Variants in ME1 observed in about 807,000 individuals in gnomAD.
The protein encoded by ME1 is malic enzyme 1.
Under a neutral mutation model 66.4 loss-of-function variants are expected in ME1, and 74 were observed. The observed-to-expected ratio is 1.11, with a 90% CI of 0.92 to 1.35. The LOEUF (loss-of-function observed/expected upper bound fraction) is 1.35, where lower values mean the gene tolerates loss of function less well. ME1 is among the 40% of genes most tolerant of loss of function. The probability of loss-of-function intolerance (pLI) is 0.00; values close to 1 mark genes in which losing one functional copy is unlikely to be tolerated. For synonymous variants in ME1, 251 were observed against 235.6 expected (o/e 1.07, Z -0.60); for missense variants, 750 against 694.1 (o/e 1.08, Z -0.90).
chr6:83,341,332 G>A (rs1470714891), intron 5 of ME1, among the ~76,000 whole-genome samples: 8 of 152,048 alleles, frequency 5.3e-5, no homozygotes, highest in Admixed American at 4.6e-4. Flanking sequence ...TGTATCTTTA[G>A]CCCATAATAC....
Position 83,210,714 on chromosome 6 carries a change from C to A in ME1, c.*1210G>T, listed in dbSNP as rs1035881514. The A allele has an allele frequency of 6.6e-6, 1 of 152,156 alleles. No individual in the cohort carries two copies. The highest frequency in any genetic ancestry group is 1.5e-5 in the Non-Finnish European group (1 of 68,024). 9.4% of individuals were successfully genotyped at this position (152,156 alleles called of 1,614,324 possible). On this transcript the variant is annotated 3_prime_UTR_variant, in exon 14 of 14. Transcript: ENST00000369705. ...AAAGCATTACTTCAAAAACAAAATT[C>A]TTCAAATAATTCTATAAATAAGTAG...
At chr6:83,313,856 T>C (rs2128538959) in intron 6 of ME1, among the ~76,000 whole-genome samples, 1 of 152,302 alleles carries the variant, frequency 6.6e-6, no homozygotes. Flanking sequence ...TAAAATGTAG[T>C]CCATACTAAT....
At position 83,331,407 on chromosome 6, in the gene ME1, G is replaced by A. The variant is rs894123484; in HGVS notation, c.600+14766C>T. On this transcript the variant is annotated intron_variant, in intron 5 of 13. Transcript: ENST00000369705. ...GTTTAAGACCAGCCTGGCCAAGATG[G>A]TGAAACCCATCTCTACTAAATATAC... is the stretch of plus-strand genomic sequence containing the variant. 2.0e-5 allele frequency among the ~76,000 whole-genome samples: 3 copies of A among 151,980 alleles called. No homozygotes were observed. In the East Asian group the frequency reaches 5.8e-4, roughly 29 times the overall value.
At chr6:83,382,005 T>A (rs1375635387) in intron 3 of ME1, among the ~76,000 whole-genome samples, 2 of 151,674 alleles carry the variant, frequency 1.3e-5, no homozygotes, top group African/African-American at 4.8e-5. Flanking sequence ...GAACAAGCTA[T>A]CCCCTCAGGC....
intron 6 of ME1, among the ~76,000 whole-genome samples, chr6:83,314,057 A>G (rs528941255): frequency 2.0e-5 from 3 of 152,330 alleles, no homozygotes; most frequent in Non-Finnish European, 4.4e-5. Context: ...TCTAAGAAAA[A>G]CCAAGGCAAC....
chr6:83,331,683 G>T (rs1768414092), intron 5 of ME1, among the ~76,000 whole-genome samples: 2 of 151,560 alleles, frequency 1.3e-5, no homozygotes, highest in Non-Finnish European at 2.9e-5. Flanking sequence ...TACAAGTCAA[G>T]GACACAAACC....
chr6:83,396,093 G>A (rs2128550432), intron 3 of ME1, among the ~76,000 whole-genome samples: 1 of 152,236 alleles, frequency 6.6e-6, no homozygotes, highest in African/African-American at 2.4e-5. Context: ...GGGTGTGGTG[G>A]CTCATGCCTG....
chr6:83,378,418 CCA>C (rs1769334580), intron 3 of ME1, among the ~76,000 whole-genome samples: 1 of 151,944 alleles, frequency 6.6e-6, no homozygotes, highest in African/African-American at 2.4e-5. Flanking sequence ...TTGTTTCTAA[CCA>C]CAGTTTCAAT....
chr6:83,360,086 G>T (rs1253452872), intron 3 of ME1, among the ~76,000 whole-genome samples: 6 of 152,174 alleles, frequency 3.9e-5, no homozygotes, highest in Non-Finnish European at 8.8e-5. Flanking sequence ...TGGACAAAAG[G>T]CTAATTTGAA....
At chr6:83,223,448 C>T (rs961892417) in intron 12 of ME1, among the ~76,000 whole-genome samples, 4 of 152,244 alleles carry the variant, frequency 2.6e-5, no homozygotes, top group African/African-American at 9.6e-5. Context: ...AGCCACCACA[C>T]CCAGCCCTGG....
At chr6:83,406,049 AT>A (rs1234035103) in intron 2 of ME1, among the ~76,000 whole-genome samples, 2 of 152,236 alleles carry the variant, frequency 1.3e-5, no homozygotes, top group East Asian at 3.9e-4. Context: ...GCGATGTTTA[AT>A]TTTGTCAAAG....
chr6:83,313,061 G>T (rs944816217), intron 6 of ME1, among the ~76,000 whole-genome samples: 1 of 151,978 alleles, frequency 6.6e-6, no homozygotes, highest in Admixed American at 6.6e-5. Context: ...CTGGCCCAAG[G>T]GTACTCCTTA....
intron 5 of ME1, among the ~76,000 whole-genome samples, chr6:83,339,826 C>T (rs1439739041): frequency 9.8e-6 from 1 of 102,420 alleles, no homozygotes; most frequent in East Asian, 3.0e-4. Context: ...GTGGTGGGGT[C>T]GGGGGAGGGG....
rs1304961380 is a variant in ME1 at position 83,430,886 on chromosome 6, G to A, written c.69C>T (p.His23=). 2 of 1,602,638 alleles carry A rather than the reference G, an allele frequency of 1.2e-6. No individual in the cohort carries two copies. Among genetic ancestry groups the A allele is most frequent in the South Asian group, 1.1e-5 (1 of 89,596 alleles). The change falls in exon 1 of 14, where the codon CAC becomes CAT. Residue 23 remains histidine, a synonymous_variant. Transcript: ENST00000369705. ...QRGYLLTRNP[H]LNKDLAFTLE... ...GGGCCTGCGGGTTTACCTTGTTGAG[G>A]TGAGGGTTCCGTGTCAGCAGGTAGC...
chr6:83,360,417 G>T (rs1374417910), intron 3 of ME1, among the ~76,000 whole-genome samples: 1 of 152,122 alleles, frequency 6.6e-6, no homozygotes, highest in Non-Finnish European at 1.5e-5. Context: ...GCTTATGGAG[G>T]TCAGGTAATT....
chr6:83,340,305 A>G (rs1266827336), intron 5 of ME1, among the ~76,000 whole-genome samples: 1 of 152,234 alleles, frequency 6.6e-6, no homozygotes, highest in Non-Finnish European at 1.5e-5. Context: ...ATAATAAAAA[A>G]GAAAACAGCA....
intron 6 of ME1, among the ~76,000 whole-genome samples, chr6:83,305,943 G>A (rs899080716): frequency 1.3e-5 from 2 of 152,022 alleles, no homozygotes; most frequent in African/African-American, 4.8e-5. Context: ...CACATAGATG[G>A]TCTTTCAAAA....
intron 5 of ME1, among the ~76,000 whole-genome samples, chr6:83,338,019 A>G (rs1431492996): frequency 4.5e-5 from 1 of 22,320 alleles, no homozygotes; most frequent in East Asian, 1.4e-3. Flanking sequence ...GAAAAGAGGA[A>G]GTCAAATTGT....
chr6:83,261,253 T>C (rs1447003616), intron 6 of ME1, among the ~76,000 whole-genome samples: 2 of 152,060 alleles, frequency 1.3e-5, no homozygotes, highest in African/African-American at 4.8e-5. Flanking sequence ...GCCGTATGCA[T>C]GTTCTTTTGA....
Sources: allele counts gnomAD v4.1 joint callset (sites outside exome capture counted in the v4.1 genomes callset), GRCh38; gene constraint gnomAD v4.1.1; transcripts MANE v1.5; gene names NCBI Gene and HGNC (gene_info 2026-07-23, HGNC 2026-07-21).